Variants in NSUN6 observed in about 807,000 individuals in gnomAD.
The protein encoded by NSUN6 is NOP2/Sun RNA methyltransferase 6, also known as tRNA (cytosine(72)-C(5))-methyltransferase NSUN6.
In NSUN6, 64 loss-of-function variants were observed where a neutral mutation model predicts 58.0. The ratio of observed to expected loss-of-function variants is 1.10; its 90% confidence interval spans 0.90 to 1.36. The LOEUF is 1.36. NSUN6 is among the 40% of genes most tolerant of loss of function. NSUN6 has a pLI of 0.00. For synonymous variants in NSUN6, 231 were observed against 193.9 expected (o/e 1.19, Z -1.59); for missense variants, 701 against 550.1 (o/e 1.27, Z -2.74).
chr10:18,600,978 G>GTATATACACATATATATATATATATGTA (rs2057812734), intron 6 of NSUN6, among the ~76,000 whole-genome samples: 8 of 77,002 alleles, frequency 1.0e-4, no homozygotes, highest in African/African-American at 3.3e-4. Context: ...ATATATATAT[G>GTATATACACATATATATATATATATGTA]TATATATATA....
chr10:18,557,526 G>A (rs529036348), intron 8 of NSUN6, among the ~76,000 whole-genome samples: 2 of 150,988 alleles, frequency 1.3e-5, no homozygotes, highest in African/African-American at 4.9e-5. Context: ...AAGGGAGAAT[G>A]GAATGGAATG....
intron 8 of NSUN6, among the ~76,000 whole-genome samples, chr10:18,571,573 T>C (rs1030835888): frequency 6.6e-6 from 1 of 151,416 alleles, no homozygotes; most frequent in African/African-American, 2.4e-5. Context: ...TCCATGTCTA[T>C]TCCAATGTCC....
Position 18,546,148 on chromosome 10 carries a change from G to A in NSUN6, c.1198-3C>T, listed in dbSNP as rs557169032. The A allele has an allele frequency of 1.2e-6, 2 of 1,605,124 alleles. No homozygotes were observed. Among genetic ancestry groups the A allele is most frequent in the African/African-American group, 1.3e-5 (1 of 74,742 alleles). Reference sequence around the variant, plus strand: ...CCTTCTCCTCCAATCTGCGGTTCCTGTTTGGAGAAAGTGGATCAATATGGA... The same window carrying A: ...CCTTCTCCTCCAATCTGCGGTTCCTATTTGGAGAAAGTGGATCAATATGGA... On this transcript the variant is annotated splice_region_variant and splice_polypyrimidine_tract_variant and intron_variant, in intron 10 of 10. Coordinates refer to ENST00000377304, the MANE Select transcript of NSUN6 (RefSeq NM_182543.5).
chr10:18,613,074 C>G (rs571681152), intron 5 of NSUN6, among the ~76,000 whole-genome samples: 10 of 152,242 alleles, frequency 6.6e-5, no homozygotes, highest in African/African-American at 1.9e-4. Context: ...AACAGTATAA[C>G]TGAATAAATT....
upstream of NSUN6, chr10:18,652,245 C>T: frequency 1.0e-6 from 1 of 983,878 alleles, no homozygotes; most frequent in Non-Finnish European, 1.2e-6. Flanking sequence ...TCATCATAAG[C>T]AGACAAGGAT....
In NSUN6 at chr10:18,628,674, A is replaced by T. The variant is rs980336736; in HGVS notation, c.312-12381T>A. ...GTATCAGCGATGGAAGATGAACTGAATGAAATGAAGCAAGAAGGGAAGTTT... is the reference window on the plus strand; with the variant it reads ...GTATCAGCGATGGAAGATGAACTGATTGAAATGAAGCAAGAAGGGAAGTTT... On this transcript the variant is annotated intron_variant, in intron 3 of 10. Coordinates refer to ENST00000377304, the MANE Select transcript of NSUN6 (RefSeq NM_182543.5). Among the ~76,000 whole-genome samples the T allele has an allele frequency of 2.2e-4, 34 of 152,300 alleles. 1 individual carries two copies. The highest frequency in any genetic ancestry group is 2.2e-3 in the Admixed American group (34 of 15,298).
chr10:18,570,094 C>CATTCT (rs1055223657), intron 8 of NSUN6, among the ~76,000 whole-genome samples: 1 of 150,172 alleles, frequency 6.7e-6, no homozygotes, highest in African/African-American at 2.4e-5. Context: ...TTCCACTGCC[C>CATTCT]ATTCTATTCT....
At chr10:18,634,354 T>C (rs2059139176) in intron 3 of NSUN6, among the ~76,000 whole-genome samples, 2 of 152,080 alleles carry the variant, frequency 1.3e-5, no homozygotes, top group Non-Finnish European at 2.9e-5. Flanking sequence ...GTATTTTGAA[T>C]CCCCATTTTA....
chr10:18,573,894 G>A (rs1306802902), intron 8 of NSUN6, among the ~76,000 whole-genome samples: 1 of 152,062 alleles, frequency 6.6e-6, no homozygotes, highest in African/African-American at 2.4e-5. Flanking sequence ...TGCCACTTAT[G>A]GATTGACTCA....
At chr10:18,618,045 C>A (rs181028598) in intron 3 of NSUN6, among the ~76,000 whole-genome samples, 1 of 152,172 alleles carries the variant, frequency 6.6e-6, no homozygotes, top group African/African-American at 2.4e-5. Context: ...AGACACTCAG[C>A]GTCATCTTAA....
Position 18,593,815 on chromosome 10 carries a change from G to A in NSUN6, c.777+2393C>T, listed in dbSNP as rs2057471012. Among the ~76,000 whole-genome samples the A allele has an allele frequency of 2.0e-5, 3 of 150,668 alleles. No individual in the cohort carries two copies. The South Asian group carries it at 6.3e-4, about 32-fold the overall frequency. On this transcript the variant is annotated intron_variant, in intron 7 of 10. Coordinates refer to ENST00000377304, the MANE Select transcript of NSUN6 (RefSeq NM_182543.5). ...GGTACAGCTAACCATCATGGCACATGTATACCTATGTAACAAACCTGCACA... is the reference window on the plus strand; with the variant it reads ...GGTACAGCTAACCATCATGGCACATATATACCTATGTAACAAACCTGCACA...
At chr10:18,554,278 AGAATG>A (rs553726440) in intron 8 of NSUN6, among the ~76,000 whole-genome samples, 1 of 151,286 alleles carries the variant, frequency 6.6e-6, no homozygotes, top group Non-Finnish European at 1.5e-5. Flanking sequence ...TGTAGAAAGA[AGAATG>A]GAATGGAATG....
At chr10:18,622,114 T>A (rs1247148890) in intron 3 of NSUN6, among the ~76,000 whole-genome samples, 1 of 151,894 alleles carries the variant, frequency 6.6e-6, no homozygotes, top group Non-Finnish European at 1.5e-5. Context: ...GATGGAATAT[T>A]TGTGTCCCCA....
intron 7 of NSUN6, among the ~76,000 whole-genome samples, chr10:18,595,395 C>T (rs182278501): frequency 1.6e-4 from 25 of 152,246 alleles, no homozygotes; most frequent in African/African-American, 5.1e-4. Flanking sequence ...ATAAATATGC[C>T]ATAATTTAAT....
chr10:18,649,578 T>C (rs1228902115), intron 1 of NSUN6, among the ~76,000 whole-genome samples: 1 of 149,006 alleles, frequency 6.7e-6, no homozygotes, highest in Non-Finnish European at 1.5e-5. Context: ...CAGTGAGCTG[T>C]GATCATGTCA....
upstream of NSUN6, chr10:18,653,198 T>C (rs764164664): frequency 3.5e-5 from 34 of 984,626 alleles, no homozygotes; most frequent in Admixed American, 6.2e-5. Flanking sequence ...ATAGAGACTT[T>C]ATCACACCAC....
upstream of NSUN6, among the ~76,000 whole-genome samples, chr10:18,653,682 A>C (rs1019312586): frequency 6.6e-6 from 1 of 152,178 alleles, no homozygotes; most frequent in Non-Finnish European, 1.5e-5. Flanking sequence ...CATTTAGACT[A>C]TTCTTGACTA....
At chr10:18,600,310 A>C (rs2057755002) in intron 6 of NSUN6, among the ~76,000 whole-genome samples, 1 of 152,178 alleles carries the variant, frequency 6.6e-6, no homozygotes, top group Non-Finnish European at 1.5e-5. Context: ...GTCCTGTACA[A>C]TAATTTCAGT....
chr10:18,620,093 T>A (rs1161848648), intron 3 of NSUN6, among the ~76,000 whole-genome samples: 5 of 7,588 alleles, frequency 6.6e-4, no homozygotes, highest in African/African-American at 1.0e-3. Context: ...TAAAAAAAAT[T>A]TTTTTTTTTT....
Sources: gnomAD v4.1 joint callset for allele counts (sites outside exome capture counted in the v4.1 genomes callset) on GRCh38, gnomAD v4.1.1 for gene constraint, MANE v1.5 for transcripts, NCBI Gene and HGNC (gene_info 2026-07-23, HGNC 2026-07-21) for gene names.